The following EIPR1 variants were observed in gnomAD, a reference collection of about 807,000 sequenced individuals.
EIPR1 encodes EARP complex and GARP complex interacting protein 1, also known as EARP and GARP complex-interacting protein 1.
In EIPR1, 25 loss-of-function variants were observed where a neutral mutation model predicts 48.1. The observed-to-expected ratio is 0.52, with a 90% confidence interval of 0.38 to 0.73. The LOEUF (loss-of-function observed/expected upper bound fraction) is 0.73. Among genes scored for constraint, EIPR1 ranks in the 30% least tolerant of loss-of-function variants. The pLI is 0.00. For synonymous variants in EIPR1, 204 were observed against 201.9 expected, an observed-to-expected ratio of 1.01 and a Z score of -0.09; for missense variants, 415 against 506.2, an observed-to-expected ratio of 0.82 and a Z score of 1.73.
At chr2:3,361,377 T>C (rs1670848244) in intron 1 of EIPR1, among the ~76,000 whole-genome samples, 1 of 150,700 alleles carries the variant, frequency 6.6e-6, no homozygotes, top group African/African-American at 2.5e-5. Flanking sequence ...CAGAGCCATC[T>C]CTGGCTTCCA....
At chr2:3,309,848 G>A (rs1669067294) in intron 3 of EIPR1, among the ~76,000 whole-genome samples, 1 of 152,220 alleles carries the variant, frequency 6.6e-6, no homozygotes, top group Non-Finnish European at 1.5e-5. Flanking sequence ...TCATGTGGGA[G>A]AGAGGCAGCA....
intron 3 of EIPR1, among the ~76,000 whole-genome samples, chr2:3,315,135 AT>A (rs1351568290): frequency 6.4e-4 from 72 of 112,652 alleles, no homozygotes; most frequent in African/African-American, 3.2e-3. Flanking sequence ...CACCATCATC[AT>A]CACTAGCATC....
chr2:3,243,987 A>G (rs999198748), intron 4 of EIPR1, among the ~76,000 whole-genome samples: 1 of 152,224 alleles, frequency 6.6e-6, no homozygotes, highest in East Asian at 1.9e-4. Context: ...CACCAGCCCC[A>G]GGGCTCACCT....
rs369301527 is a variant in EIPR1, at chr2:3,321,974, G to C, written c.259+16043C>G. ...GATACAGGCTGCTCTTCACAATGAA[G>C]GATTCCAAAAGCCAATTCTCGACAG... On this transcript the variant is annotated intron_variant, in intron 3 of 8. Coordinates refer to ENST00000382125, the MANE Select transcript of EIPR1 (RefSeq NM_003310.5). Among the ~76,000 whole-genome samples, 12 of 152,290 alleles carry C rather than the reference G, an allele frequency of 7.9e-5. No individual in the cohort carries two copies. In the South Asian group the frequency reaches 2.5e-3, roughly 32 times the overall value.
rs1005206134 is a variant in EIPR1 at position 3,189,573 on chromosome 2, G to T, written c.990-65C>A. On this transcript the variant is annotated intron_variant, in intron 8 of 8. Coordinates refer to ENST00000382125, the MANE Select transcript of EIPR1 (RefSeq NM_003310.5). This position sits in a 1 kb window ranked among gnomAD's most constrained non-coding sequence, Gnocchi z 4.6. The stretch of plus-strand genomic sequence containing the variant: ...GGCGGGGCGGGCAGGAGAGGGGCAG[G>T]GAGGACGCGAGCGCTGACATCGGGA... 10 of 1,438,842 alleles carry T rather than the reference G, an allele frequency of 7.0e-6. No individual in the cohort carries two copies. In the East Asian group the frequency reaches 2.5e-4, roughly 36 times the overall value. 89.1% of individuals were successfully genotyped at this position (1,438,842 alleles called of 1,614,324 possible).
chr2:3,241,012 C>T (rs868864502), intron 4 of EIPR1, among the ~76,000 whole-genome samples: 12 of 96,222 alleles, frequency 1.2e-4, no homozygotes, highest in Non-Finnish European at 1.4e-4. Flanking sequence ...CAGCAGATCC[C>T]TCCTAAAGCA....
chr2:3,231,650 G>T (rs1666247274), intron 4 of EIPR1, among the ~76,000 whole-genome samples: 1 of 152,080 alleles, frequency 6.6e-6, no homozygotes, highest in African/African-American at 2.4e-5. Context: ...ACTGACGTGG[G>T]TATATTGAAG....
chr2:3,297,493 T>G (rs1668637945), intron 3 of EIPR1, among the ~76,000 whole-genome samples: 1 of 152,222 alleles, frequency 6.6e-6, no homozygotes, highest in Non-Finnish European at 1.5e-5. Context: ...TCAACCAGTT[T>G]CAGAAGAGTT....
intron 3 of EIPR1, among the ~76,000 whole-genome samples, chr2:3,310,625 C>G (rs903125402): frequency 2.1e-5 from 3 of 142,742 alleles, no homozygotes; most frequent in Admixed American, 7.0e-5. Context: ...TGCACTCCAG[C>G]CTGGGCGACA....
At chr2:3,279,695 G>A (rs568827068) in intron 3 of EIPR1, among the ~76,000 whole-genome samples, 44 of 152,362 alleles carry the variant, frequency 2.9e-4, no homozygotes, top group African/African-American at 9.9e-4. Flanking sequence ...GCCCAGGCAC[G>A]AGGGTCGGGA....
intron 4 of EIPR1, chr2:3,214,462 G>C (rs1057088109): frequency 2.0e-5 from 9 of 455,644 alleles, no homozygotes; most frequent in African/African-American, 4.0e-5. Context: ...CCAGATTCAT[G>C]TGTGGAAGTC....
At chr2:3,246,841 AAGGGAGGGAAGG>A (rs1666821475) in intron 4 of EIPR1, among the ~76,000 whole-genome samples, 7 of 10,836 alleles carry the variant, frequency 6.5e-4, no homozygotes, top group East Asian at 3.2e-3. Context: ...GGGAAGGAGG[AAGGGAGGGAAGG>A]AGGAAGGGAG....
At chr2:3,349,048 G>A (rs1319780894) in intron 2 of EIPR1, among the ~76,000 whole-genome samples, 1 of 152,236 alleles carries the variant, frequency 6.6e-6, no homozygotes, top group African/African-American at 2.4e-5. Context: ...GACACGGCAT[G>A]GCAACAGCAC....
chr2:3,300,967 C>G (rs1449498095), intron 3 of EIPR1: 1 of 152,028 alleles, frequency 6.6e-6, no homozygotes, highest in African/African-American at 2.4e-5. Flanking sequence ...ATCTCAGAGG[C>G]CAGCCTGATG....
intron 4 of EIPR1, among the ~76,000 whole-genome samples, chr2:3,238,001 A>G (rs1261691588): frequency 6.6e-6 from 1 of 152,214 alleles, no homozygotes; most frequent in Non-Finnish European, 1.5e-5. Flanking sequence ...CCAAATGTGC[A>G]AACAGCTTCA....
chr2:3,229,936 T>C (rs962397404), intron 4 of EIPR1, among the ~76,000 whole-genome samples: 1 of 152,194 alleles, frequency 6.6e-6, no homozygotes, highest in Non-Finnish European at 1.5e-5. Context: ...CCTTCCTTTT[T>C]TTCTTATCAC....
intron 3 of EIPR1, among the ~76,000 whole-genome samples, chr2:3,264,239 G>A (rs914583442): frequency 1.3e-5 from 2 of 152,204 alleles, no homozygotes; most frequent in East Asian, 1.9e-4. Context: ...ATTGCGTGGT[G>A]TCTGACTCTC....
chr2:3,232,777 T>C (rs1163661370), intron 4 of EIPR1, among the ~76,000 whole-genome samples: 1 of 152,288 alleles, frequency 6.6e-6, no homozygotes, highest in East Asian at 1.9e-4. Flanking sequence ...CCGTGGATGG[T>C]TATCTACTCC....
chr2:3,225,765 C>T (rs902751422), intron 4 of EIPR1, among the ~76,000 whole-genome samples: 7 of 152,142 alleles, frequency 4.6e-5, no homozygotes, highest in Non-Finnish European at 7.3e-5. Context: ...ATAAGCTGAA[C>T]GTTCCTAACC....
Sources: allele counts gnomAD v4.1 joint callset (sites outside exome capture counted in the v4.1 genomes callset), GRCh38; gene constraint gnomAD v4.1.1; non-coding constraint Gnocchi (gnomAD v3.1); transcripts MANE v1.5; gene names NCBI Gene and HGNC (gene_info 2026-07-23, HGNC 2026-07-21).